Variants in SBF2 observed in about 807,000 individuals in gnomAD.
SBF2 encodes the protein SET binding factor 2.
SBF2 carries 112 observed loss-of-function variants against 225.2 expected under a neutral mutation model. The ratio of observed to expected loss-of-function variants is 0.50; its 90% CI spans 0.43 to 0.58. The LOEUF (loss-of-function observed/expected upper bound fraction) is 0.58. Ranked by LOEUF, SBF2 falls within the 20% of genes least tolerant of loss-of-function variation. The pLI, the probability that SBF2 is intolerant of heterozygous loss-of-function variation, is 0.00. For missense variants in SBF2, 1,996 were observed against 2,206.2 expected, an observed-to-expected ratio of 0.90 and a Z score of 1.91; for synonymous variants, 763 against 773.3, an observed-to-expected ratio of 0.99 and a Z score of 0.22.
At chr11:9,928,877 T>C (rs1864263133) in intron 16 of SBF2, 1 of 263,998 alleles carries the variant, frequency 3.8e-6, no homozygotes, top group African/African-American at 2.2e-5. Context: ...TTGCTGTTCA[T>C]TTCATGTTTT....
intron 12 of SBF2, among the ~76,000 whole-genome samples, chr11:9,990,988 C>T (rs1468353162): frequency 1.3e-5 from 2 of 152,034 alleles, no homozygotes; most frequent in South Asian, 2.1e-4. Flanking sequence ...ATGAAGCTGT[C>T]AGAGGAAGAT....
chr11:9,983,015 C>A (rs1053927005), intron 13 of SBF2, among the ~76,000 whole-genome samples: 2 of 152,002 alleles, frequency 1.3e-5, no homozygotes, highest in Admixed American at 1.3e-4. Flanking sequence ...TAAAACTCCA[C>A]AGGGAGAAGG....
At chr11:9,948,683 T>C (rs568147221) in intron 16 of SBF2, among the ~76,000 whole-genome samples, 1 of 152,290 alleles carries the variant, frequency 6.6e-6, no homozygotes, top group Non-Finnish European at 1.5e-5. Context: ...AGCCAGGAAA[T>C]ATATGTATGC....
chr11:9,929,031 T>A (rs186771243), intron 16 of SBF2: 2 of 460,466 alleles, frequency 4.3e-6, no homozygotes, highest in Admixed American at 4.9e-5. Context: ...TACAGTGCAG[T>A]GCTTGTTCAA....
chr11:9,988,436 G>A (rs985880486), intron 13 of SBF2, among the ~76,000 whole-genome samples: 1 of 152,132 alleles, frequency 6.6e-6, no homozygotes, highest in Non-Finnish European at 1.5e-5. Flanking sequence ...CTTTTGCACA[G>A]CAAAAGGAAC....
At chr11:10,070,959 T>G (rs1950843756) in intron 2 of SBF2, among the ~76,000 whole-genome samples, 1 of 152,158 alleles carries the variant, frequency 6.6e-6, no homozygotes, top group South Asian at 2.1e-4. Flanking sequence ...TGGCTCTCTG[T>G]TTGTCTGTTA....
intron 1 of SBF2, among the ~76,000 whole-genome samples, chr11:10,206,101 G>A (rs903865306): frequency 3.3e-5 from 5 of 150,878 alleles, no homozygotes; most frequent in African/African-American, 9.7e-5. Flanking sequence ...AATGAACATC[G>A]TGCCACACAA....
At position 9,812,702 on chromosome 11, in the gene SBF2, T is replaced by C. The variant is rs1367580175; in HGVS notation, c.3985A>G (p.Lys1329Glu). 1 of 1,613,978 alleles carries C rather than the reference T, an allele frequency of 6.2e-7. No individual in the cohort carries two copies. The highest frequency in any genetic ancestry group is 8.5e-7 in the Non-Finnish European group (1 of 1,179,990). Residue 1329 changes from lysine to glutamate, a missense_variant, in exon 30 of 40, where the codon AAG becomes GAG. Transcript: ENST00000256190. ...FGEKSQLRNF[K>E]VEFALNCEFV... Reference sequence around the variant, plus strand: ...TCACAATTTAAAGCAAATTCTACCTTGAAGTTCTGCGGATGAAGATTCAGA... The same window carrying C: ...TCACAATTTAAAGCAAATTCTACCTCGAAGTTCTGCGGATGAAGATTCAGA...
intron 36 of SBF2, among the ~76,000 whole-genome samples, chr11:9,785,667 G>C (rs956357008): frequency 6.6e-6 from 1 of 152,118 alleles, no homozygotes; most frequent in Non-Finnish European, 1.5e-5. Context: ...TTCGAGACCA[G>C]CCTGGGCAAC....
rs1224836399 is a variant in SBF2, at chr11:9,845,453, A to G, written c.3110+112T>C. ...TTGGCCCCATGGGCTTGACAGAAAC[A>G]GAACAGTGAATGAAAACAGCAATCG... On this transcript the variant is annotated intron_variant, in intron 24 of 39. Transcript: ENST00000256190. The G allele has an allele frequency of 3.1e-6, 3 of 983,038 alleles. No homozygotes were observed. The African/African-American group carries it at 4.8e-5, about 16-fold the overall frequency. The allele number at this position is 983,038 out of a possible 1,614,324, so 60.9% of individuals were successfully genotyped here. A position where few individuals can be genotyped will look rare whatever the true frequency, so the allele number is the denominator to read the frequency against.
chr11:10,228,255 T>A (rs1225074993), intron 1 of SBF2, among the ~76,000 whole-genome samples: 1 of 152,210 alleles, frequency 6.6e-6, no homozygotes, highest in Non-Finnish European at 1.5e-5. Flanking sequence ...TATACAATCA[T>A]GTCATCTGCA....
At chr11:10,086,791 T>C (rs909090173) in intron 2 of SBF2, among the ~76,000 whole-genome samples, 6 of 152,210 alleles carry the variant, frequency 3.9e-5, no homozygotes, top group African/African-American at 1.2e-4. Flanking sequence ...GAAATAAAAA[T>C]TGAAGCATAG....
chr11:9,911,337 T>C (rs995237005), intron 16 of SBF2, among the ~76,000 whole-genome samples: 3 of 149,522 alleles, frequency 2.0e-5, no homozygotes, highest in African/African-American at 7.4e-5. Context: ...TGAGCCAAGA[T>C]CATGCCAGTG....
At position 9,858,241 on chromosome 11, in the gene SBF2, C is replaced by T. The variant is rs148241076; in HGVS notation, c.2085G>A (p.Pro695=). 2.9e-5 allele frequency: 46 copies of T among 1,613,950 alleles called. No homozygotes were observed. The highest frequency in any genetic ancestry group is 1.5e-4 in the African/African-American group (11 of 74,906). Reference sequence around the variant, plus strand: ...TCTCTCTTACCTTTTGCTTCAGATGCGGGGCATGATTGTCTTCCTTGGCTG... The same window carrying T: ...TCTCTCTTACCTTTTGCTTCAGATGTGGGGCATGATTGTCTTCCTTGGCTG... ...YLSAKEDNHA[P]HLKQKDKLPD... is the part of the protein sequence containing the mutation. Residue 695 remains proline, a synonymous_variant, in exon 18 of 40, where the codon CCG becomes CCA. Coordinates refer to ENST00000256190, the MANE Select transcript of SBF2 (RefSeq NM_030962.4).
At chr11:9,992,621 A>T in intron 11 of SBF2, 78 bp from the exon 12 acceptor site, 1 of 1,391,786 alleles carries the variant, frequency 7.2e-7, no homozygotes, top group Non-Finnish European at 9.9e-7. Flanking sequence ...TACAATAAAA[A>T]GATCAAAGCC....
intron 2 of SBF2, among the ~76,000 whole-genome samples, chr11:10,049,426 G>A (rs1175731144): frequency 6.6e-6 from 1 of 152,136 alleles, no homozygotes; most frequent in Non-Finnish European, 1.5e-5. Flanking sequence ...GGCCAACATG[G>A]TGAAACCCCA....
At chr11:9,959,319 A>G in intron 16 of SBF2, 1 of 775,644 alleles carries the variant, frequency 1.3e-6, no homozygotes, top group South Asian at 1.3e-5. Flanking sequence ...CTCACATACT[A>G]CAGTTAAGAT....
At chr11:9,996,160 C>G (rs1426659305) in intron 9 of SBF2, among the ~76,000 whole-genome samples, 1 of 152,130 alleles carries the variant, frequency 6.6e-6, no homozygotes, top group Non-Finnish European at 1.5e-5. Flanking sequence ...TTAAGAAGTA[C>G]AATCTTAATC....
chr11:9,781,344 G>A (rs925505310), intron 39 of SBF2, among the ~76,000 whole-genome samples, 163 bp downstream of exon 39: 2 of 152,198 alleles, frequency 1.3e-5, no homozygotes, highest in Non-Finnish European at 2.9e-5. Context: ...TAGCCTTGGG[G>A]GTCAATAATG....
Sources: allele counts gnomAD v4.1 joint callset (sites outside exome capture counted in the v4.1 genomes callset), GRCh38; gene constraint gnomAD v4.1.1; transcripts MANE v1.5; gene names NCBI Gene and HGNC (gene_info 2026-07-23, HGNC 2026-07-21).